ASIC2: variants seen among roughly 807,000 people sequenced by gnomAD.
ASIC2 encodes the protein acid sensing ion channel subunit 2, also known as acid-sensing ion channel 2.
ASIC2 carries 25 observed loss-of-function variants against 57.3 expected under a neutral mutation model. The observed-to-expected ratio is 0.44, with a 90% confidence interval of 0.32 to 0.61. The LOEUF (loss-of-function observed/expected upper bound fraction) is 0.61, where lower values mean the gene tolerates loss of function less well. ASIC2 is among the 20% of genes least tolerant of loss of function. ASIC2 has a pLI of 0.06. For synonymous variants in ASIC2, 319 were observed against 307.5 expected, an observed-to-expected ratio of 1.04 and a Z score of -0.39; for missense variants, 641 against 738.1, an observed-to-expected ratio of 0.87 and a Z score of 1.52.
At chr17:33,274,642 G>GT (rs5820027) in intron 1 of ASIC2, among the ~76,000 whole-genome samples, 57,741 of 151,986 alleles carry the variant, frequency 0.38, 11,061 homozygotes, top group Admixed American at 0.43. Context: ...CCCATGCTTG[G>GT]TTTGACCCCA....
At chr17:34,011,014 ATGCCAAAGT>A (rs1906706989) in intron 1 of ASIC2, among the ~76,000 whole-genome samples, 1 of 1,518 alleles carries the variant, frequency 6.6e-4, no homozygotes, top group Non-Finnish European at 1.8e-3. Context: ...ACACACACAG[ATGCCAAAGT>A]CAGACACATG....
intron 1 of ASIC2, among the ~76,000 whole-genome samples, chr17:34,099,107 AG>A (rs1567820455): frequency 1.8e-4 from 4 of 22,776 alleles, no homozygotes; most frequent in African/African-American, 6.6e-4. Flanking sequence ...GAGAAAAGAG[AG>A]AGAGAGAGAG....
At chr17:33,594,696 C>T (rs994814180) in intron 1 of ASIC2, among the ~76,000 whole-genome samples, 4 of 151,956 alleles carry the variant, frequency 2.6e-5, no homozygotes, top group East Asian at 1.9e-4. Context: ...GGCGTGCTGG[C>T]GGGCGCCTGT....
chr17:33,016,609 T>C (rs1567717302), intron 8 of ASIC2, among the ~76,000 whole-genome samples: 1 of 152,118 alleles, frequency 6.6e-6, no homozygotes, highest in Non-Finnish European at 1.5e-5. Flanking sequence ...TGGGAACTGA[T>C]GTGGTTTTGG....
intron 1 of ASIC2, among the ~76,000 whole-genome samples, chr17:33,687,288 G>A (rs948720437): frequency 1.3e-5 from 2 of 152,164 alleles, no homozygotes; most frequent in Non-Finnish European, 2.9e-5. Flanking sequence ...AGAGCCCTAG[G>A]GAGTTGGAAT....
intron 1 of ASIC2, among the ~76,000 whole-genome samples, chr17:33,871,302 GCCC>G (rs1914399239): frequency 6.6e-6 from 1 of 152,194 alleles, no homozygotes; most frequent in Admixed American, 6.5e-5. Flanking sequence ...GTCATTAAAA[GCCC>G]TCTACAAATG....
intron 1 of ASIC2, among the ~76,000 whole-genome samples, chr17:33,360,015 C>A (rs1908537156): frequency 6.6e-6 from 1 of 152,154 alleles, no homozygotes; most frequent in Non-Finnish European, 1.5e-5. Flanking sequence ...GCTGAACTTA[C>A]TCCTACCCAA....
intron 1 of ASIC2, among the ~76,000 whole-genome samples, chr17:33,597,014 A>G (rs972809038): frequency 1.3e-5 from 2 of 152,234 alleles, no homozygotes; most frequent in Non-Finnish European, 2.9e-5. Flanking sequence ...CATTTGTCAG[A>G]TGAGAGAATT....
rs754374656 is a variant in ASIC2, at chr17:34,156,099, T to C, written c.434A>G (p.His145Arg). Residue 145 changes from histidine (H) to arginine (R), a missense_variant, in exon 1 of 10, where the codon CAC (histidine) becomes CGC (arginine). Physicochemically the swap from His to Arg is conservative, Grantham distance 29. Coordinates refer to the ASIC2 transcript ENST00000359872. The surrounding 1 kb of genome is among the most constrained non-coding windows in gnomAD (Gnocchi z 4.4). ...CATGCTGAACTGCTTGGGTTTGTAG[T>C]GCTTGAAGTTGGCCTTCTGCCGCAG... 1.9e-6 allele frequency: 3 copies of C among 1,614,098 alleles called. No homozygotes were observed. The highest frequency in any genetic ancestry group is 2.5e-6 in the Non-Finnish European group (3 of 1,180,032).
intron 1 of ASIC2, among the ~76,000 whole-genome samples, chr17:33,847,229 G>A (rs547077154): frequency 5.9e-5 from 9 of 151,786 alleles, no homozygotes; most frequent in African/African-American, 1.7e-4. Context: ...ATTGCTGTGC[G>A]TTTTGGGAAA....
chr17:33,984,651 C>T (rs1323657083), intron 1 of ASIC2, among the ~76,000 whole-genome samples: 2 of 152,206 alleles, frequency 1.3e-5, no homozygotes, highest in East Asian at 3.9e-4. Context: ...AGAACAGTGC[C>T]TTTGCACTGC....
Position 33,292,272 on chromosome 17 carries a change from C to T in ASIC2, c.-157G>A, listed in dbSNP as rs1597669414. 1.0e-6 allele frequency: 1 copy of T among 990,682 alleles called. No individual in the cohort carries two copies. Among genetic ancestry groups the T allele is most frequent in the Admixed American group, 6.1e-5 (1 of 16,334 alleles). The allele number at this position is 990,682 out of a possible 1,614,324, so 61.4% of individuals were successfully genotyped here. On this transcript the variant is annotated 5_prime_UTR_variant, in exon 1 of 10. Transcript: ENST00000225823. ...AAAGGAGCTCCGGTGGCGCGGCATG[C>T]CCGCCCGGCGCCGCCGCTGCCGCCT... is the stretch of plus-strand genomic sequence containing the variant.
At chr17:33,668,285 T>C (rs904746525) in intron 1 of ASIC2, among the ~76,000 whole-genome samples, 6 of 140,448 alleles carry the variant, frequency 4.3e-5, no homozygotes, top group African/African-American at 1.5e-4. Flanking sequence ...TTTTTTTTTT[T>C]TTTTTTTTTT....
chr17:33,924,124 A>C (rs2141967050), intron 1 of ASIC2, among the ~76,000 whole-genome samples: 1 of 152,362 alleles, frequency 6.6e-6, no homozygotes, highest in Admixed American at 6.5e-5. Flanking sequence ...GAGCAAGTCT[A>C]CAAAATGCTT....
At chr17:33,608,063 T>C (rs1277824108) in intron 1 of ASIC2, among the ~76,000 whole-genome samples, 1 of 152,132 alleles carries the variant, frequency 6.6e-6, no homozygotes, top group Non-Finnish European at 1.5e-5. Context: ...GTGGAAGTTA[T>C]AGGAAATACA....
intron 1 of ASIC2, among the ~76,000 whole-genome samples, chr17:33,704,143 T>A (rs1012558806): frequency 4.6e-5 from 7 of 152,192 alleles, no homozygotes; most frequent in South Asian, 2.1e-4. Context: ...GACCATACAG[T>A]CAACACAATA....
At chr17:33,465,642 G>A (rs1053857926) in intron 1 of ASIC2, among the ~76,000 whole-genome samples, 1 of 152,106 alleles carries the variant, frequency 6.6e-6, no homozygotes, top group East Asian at 1.9e-4. Flanking sequence ...CCAAAGTGTT[G>A]GGATTACAGA....
intron 1 of ASIC2, among the ~76,000 whole-genome samples, chr17:33,150,525 T>C (rs138952843): frequency 4.6e-4 from 70 of 152,308 alleles, no homozygotes; most frequent in African/African-American, 1.6e-3. Flanking sequence ...GTCTTATTAT[T>C]GATAAGCAAT....
chr17:33,133,364 T>G (rs2092355041), intron 1 of ASIC2, among the ~76,000 whole-genome samples: 1 of 152,074 alleles, frequency 6.6e-6, no homozygotes, highest in East Asian at 1.9e-4. Context: ...GAGGAAGTAC[T>G]GGATGGGATG....
Sources: allele counts gnomAD v4.1 joint callset (sites outside exome capture counted in the v4.1 genomes callset), GRCh38; gene constraint gnomAD v4.1.1; non-coding constraint Gnocchi (gnomAD v3.1); transcripts MANE v1.5; gene names NCBI Gene and HGNC (gene_info 2026-07-23, HGNC 2026-07-21).